WWTR1: variants seen among roughly 807,000 people sequenced by gnomAD.
WWTR1 encodes WW domain containing transcription regulator 1.
Under a neutral mutation model 40.1 loss-of-function variants are expected in WWTR1, and 13 were observed. That is an observed-to-expected ratio of 0.32 (90% CI 0.21 to 0.52). The LOEUF (loss-of-function observed/expected upper bound fraction) is 0.52, where lower values mean the gene tolerates loss of function less well. WWTR1 is among the 20% of genes least tolerant of loss of function. WWTR1 has a pLI of 0.97. For synonymous variants in WWTR1, 230 were observed against 210.1 expected (o/e 1.09, Z -0.82); for missense variants, 436 against 523.1 (o/e 0.83, Z 1.63).
intron 2 of WWTR1, among the ~76,000 whole-genome samples, chr3:149,578,729 C>G (rs1445871309): frequency 2.0e-5 from 3 of 152,166 alleles, no homozygotes; most frequent in African/African-American, 7.2e-5. Context: ...GAAACCCTGT[C>G]TCTACTAAAA....
chr3:149,712,758 T>A (rs1471994239), intron 5 of WWTR1, among the ~76,000 whole-genome samples: 1 of 152,210 alleles, frequency 6.6e-6, no homozygotes, highest in Admixed American at 6.5e-5. Context: ...AAGTGCAAAG[T>A]AATTTATTGC....
chr3:149,593,556 G>T (rs900318074), intron 2 of WWTR1, among the ~76,000 whole-genome samples: 1 of 152,144 alleles, frequency 6.6e-6, no homozygotes, highest in African/African-American at 2.4e-5. Context: ...GCTCACCACT[G>T]AAGAGAACTC....
chr3:149,598,828 T>C (rs908642895), intron 2 of WWTR1, among the ~76,000 whole-genome samples: 2 of 152,256 alleles, frequency 1.3e-5, no homozygotes, highest in African/African-American at 4.8e-5. Context: ...TTTTGAGTTA[T>C]TTCTTTAGGC....
At position 149,520,755 on chromosome 3, in the gene WWTR1, G is replaced by A; in HGVS notation, c.*50C>T. The stretch of plus-strand genomic sequence containing the variant: ...CTCTGCTCCATCACTTTTTCCAAGA[G>A]GCCCAGGAAATGTAAGGTCATGGCT... On this transcript the variant is annotated 3_prime_UTR_variant, in exon 7 of 7. Coordinates refer to ENST00000360632, the MANE Select transcript of WWTR1 (RefSeq NM_015472.6). 3 of 1,455,018 alleles carry A rather than the reference G, an allele frequency of 2.1e-6. 1 individual carries two copies. The highest frequency in any genetic ancestry group is 2.7e-6 in the Non-Finnish European group (3 of 1,101,598). 90.1% of individuals were successfully genotyped at this position (1,455,018 alleles called of 1,614,324 possible).
At chr3:149,628,585 T>G (rs1711497532) in intron 2 of WWTR1, among the ~76,000 whole-genome samples, 1 of 152,174 alleles carries the variant, frequency 6.6e-6, no homozygotes, top group Admixed American at 6.5e-5. Context: ...CATATATCCT[T>G]GTCCGCAGGA....
intron 1 of WWTR1, among the ~76,000 whole-genome samples, chr3:149,699,727 T>C (rs13078255): frequency 0.12 from 17,841 of 152,208 alleles, 1,341 homozygotes; most frequent in African/African-American, 0.21. Flanking sequence ...ATCTGAGACC[T>C]GATCAGCCTG....
At chr3:149,613,336 A>G (rs1253118698) in intron 2 of WWTR1, among the ~76,000 whole-genome samples, 1 of 152,198 alleles carries the variant, frequency 6.6e-6, no homozygotes, top group Non-Finnish European at 1.5e-5. Context: ...TATGTCATGA[A>G]GATGAGTACC....
chr3:149,582,682 A>G (rs898506389), intron 2 of WWTR1, among the ~76,000 whole-genome samples: 2 of 152,128 alleles, frequency 1.3e-5, no homozygotes, highest in African/African-American at 4.8e-5. Flanking sequence ...GTGAGCCGTG[A>G]TCATACCACT....
intron 2 of WWTR1, among the ~76,000 whole-genome samples, chr3:149,604,890 A>G (rs570840102): frequency 1.3e-5 from 2 of 152,326 alleles, no homozygotes; most frequent in South Asian, 2.1e-4. Flanking sequence ...ATTCTTACCC[A>G]TGGAGCAAAG....
At chr3:149,699,324 G>T in intron 1 of WWTR1, among the ~76,000 whole-genome samples, 1 of 141,232 alleles carries the variant, frequency 7.1e-6, no homozygotes, top group African/African-American at 2.7e-5. Flanking sequence ...ATGGAGTTTC[G>T]CTCTTGTTGC....
chr3:149,568,752 T>C (rs941317629), intron 3 of WWTR1, among the ~76,000 whole-genome samples: 2 of 152,144 alleles, frequency 1.3e-5, no homozygotes, highest in Non-Finnish European at 2.9e-5. Flanking sequence ...CAGGAATACA[T>C]CTAAAGCTCT....
chr3:149,626,275 A>G (rs1416861288), intron 2 of WWTR1, among the ~76,000 whole-genome samples: 1 of 152,186 alleles, frequency 6.6e-6, no homozygotes, highest in Non-Finnish European at 1.5e-5. Flanking sequence ...AACTAATAAC[A>G]GAGCCTTGAG....
intron 1 of WWTR1, among the ~76,000 whole-genome samples, chr3:149,681,939 G>A (rs1241465003): frequency 6.6e-6 from 1 of 152,156 alleles, no homozygotes; most frequent in African/African-American, 2.4e-5. Flanking sequence ...TATGTGAGAT[G>A]AATAAGTTCT....
intron 5 of WWTR1, 67 bp from the exon 6 acceptor site, chr3:149,526,192 G>A: frequency 7.8e-7 from 1 of 1,273,942 alleles, no homozygotes; most frequent in East Asian, 2.6e-5. Flanking sequence ...TTAAAACACA[G>A]TCACAAAAGC....
intron 2 of WWTR1, among the ~76,000 whole-genome samples, chr3:149,644,578 T>A (rs958685519): frequency 6.6e-6 from 1 of 152,192 alleles, no homozygotes; most frequent in South Asian, 2.1e-4. Context: ...AGGCATTGCA[T>A]CCAGTTCTCC....
At chr3:149,623,347 G>C (rs1179400901) in intron 2 of WWTR1, among the ~76,000 whole-genome samples, 1 of 152,132 alleles carries the variant, frequency 6.6e-6, no homozygotes, top group African/African-American at 2.4e-5. Flanking sequence ...TGGGCAACAA[G>C]AGCAAAACTA....
intron 4 of WWTR1, among the ~76,000 whole-genome samples, chr3:149,537,982 C>T (rs1735911644): frequency 6.6e-6 from 1 of 151,578 alleles, no homozygotes; most frequent in Non-Finnish European, 1.5e-5. Flanking sequence ...TGCAGTGGCT[C>T]GATCTCAGCT....
chr3:149,593,394 T>C (rs1195213882), intron 2 of WWTR1, among the ~76,000 whole-genome samples: 1 of 152,138 alleles, frequency 6.6e-6, no homozygotes, highest in Admixed American at 6.5e-5. Flanking sequence ...CTTTCTTTTT[T>C]TTTTTTTAAT....
At chr3:149,720,440 T>C (rs2108237763) in intron 4 of WWTR1, among the ~76,000 whole-genome samples, 1 of 152,298 alleles carries the variant, frequency 6.6e-6, no homozygotes, top group Non-Finnish European at 1.5e-5. Flanking sequence ...TATTTGAAGA[T>C]TTATTTCTGG....
Sources: allele counts gnomAD v4.1 joint callset (sites outside exome capture counted in the v4.1 genomes callset), GRCh38; gene constraint gnomAD v4.1.1; transcripts MANE v1.5; gene names NCBI Gene and HGNC (gene_info 2026-07-23, HGNC 2026-07-21).